Variants in LMF1 observed in about 807,000 individuals in gnomAD.
LMF1 encodes lipase maturation factor 1.
A neutral mutation model predicts 60.6 loss-of-function variants in LMF1; 68 were observed. The observed-to-expected ratio is 1.12, with a 90% confidence interval of 0.92 to 1.37. LMF1 has a LOEUF of 1.37. Among genes scored for constraint, LMF1 ranks in the 40% most tolerant of loss-of-function variants. The probability of loss-of-function intolerance (pLI) is 0.00; values close to 1 mark genes in which losing one functional copy is unlikely to be tolerated. For missense variants in LMF1, 948 were observed against 767.2 expected, an observed-to-expected ratio of 1.24 and a Z score of -2.78; for synonymous variants, 418 against 324.7, an observed-to-expected ratio of 1.29 and a Z score of -3.09.
rs1424439033 is a variant in LMF1, at chr16:897,569, C to G, written c.664-4497G>C. Among the ~76,000 whole-genome samples the G allele has an allele frequency of 6.6e-6, 1 of 152,246 alleles. No homozygotes were observed. The highest frequency in any genetic ancestry group is 2.4e-5 in the African/African-American group (1 of 41,466). Reference sequence around the variant, plus strand: ...GAGACTCAAAGGGGAGAGCTTTGTCCTGGAGTCAGGTCACAGCCCAGTGCC... The same window carrying G: ...GAGACTCAAAGGGGAGAGCTTTGTCGTGGAGTCAGGTCACAGCCCAGTGCC... On this transcript the variant is annotated intron_variant, in intron 4 of 10. Transcript: ENST00000262301. This position sits in a 1 kb window ranked among gnomAD's most constrained non-coding sequence, Gnocchi z 4.3.
At chr16:879,843 C>T in intron 5 of LMF1, 106 bp from the exon 6 acceptor site, 1 of 1,160,950 alleles carries the variant, frequency 8.6e-7, no homozygotes, top group Non-Finnish European at 1.2e-6. Flanking sequence ...CTACTGCACA[C>T]AGGATCCCCC....
chr16:954,716 T>C, intron 1 of LMF1, 50 bp from the exon 2 acceptor site: 1 of 1,509,796 alleles, frequency 6.6e-7, no homozygotes, highest in Non-Finnish European at 8.9e-7. Flanking sequence ...AAACCACATG[T>C]GGACACCATG....
chr16:977,909 A>G (rs1287355834), intron 1 of LMF1, among the ~76,000 whole-genome samples: 1 of 144,904 alleles, frequency 6.9e-6, no homozygotes, highest in Non-Finnish European at 1.5e-5. Flanking sequence ...CTAAACACAC[A>G]CACCACACAC....
Position 881,227 on chromosome 16 carries a change from G to A in LMF1, c.730-1490C>T, listed in dbSNP as rs2070154484. ...GGGGGTGACCGGGCACAGGGCCCCA[G>A]TGCACCCCAAGAGCCGTGGGCTGGG... On this transcript the variant is annotated intron_variant, in intron 5 of 10. Coordinates refer to ENST00000262301, the MANE Select transcript of LMF1 (RefSeq NM_022773.4). Among the ~76,000 whole-genome samples the A allele has an allele frequency of 2.0e-5, 3 of 152,248 alleles. 1 individual carries two copies.
rs378243 is a variant in LMF1, at chr16:949,343, C to T, written c.503+5014G>A. 1.7e-4 allele frequency among the ~76,000 whole-genome samples: 25 copies of T among 143,970 alleles called. 1 individual carries two copies. The highest frequency in any genetic ancestry group is 1.3e-3 in the Admixed American group (18 of 14,150). 94.4% of individuals were successfully genotyped at this position (143,970 alleles called of 152,430 possible). ...GTCAGCCAACGACAGAGTCAGCCAA[C>T]GACAGAGTCAGAGACAATGACAGAG... On this transcript the variant is annotated intron_variant, in intron 2 of 10. Coordinates refer to ENST00000262301, the MANE Select transcript of LMF1 (RefSeq NM_022773.4).
intron 1 of LMF1, among the ~76,000 whole-genome samples, chr16:965,543 G>A (rs2072906693): frequency 6.6e-6 from 1 of 152,226 alleles, no homozygotes; most frequent in South Asian, 2.1e-4. Context: ...GAGAAGAAGA[G>A]TCAGATGCTT....
At position 897,678 on chromosome 16, in the gene LMF1, A is replaced by G. The variant is rs1309779456; in HGVS notation, c.664-4606T>C. On this transcript the variant is annotated intron_variant, in intron 4 of 10. Coordinates refer to ENST00000262301, the MANE Select transcript of LMF1 (RefSeq NM_022773.4). This position sits in a 1 kb window ranked among gnomAD's most constrained non-coding sequence, Gnocchi z 4.3. ...TGCTCTGAGAGCTGGGGGTGGGTGG[A>G]AACCGTGTCTCAGGGTGAAGGGACC... Among the ~76,000 whole-genome samples, 2 of 152,092 alleles carry G rather than the reference A, an allele frequency of 1.3e-5. No homozygotes were observed. Among genetic ancestry groups the G allele is most frequent in the African/African-American group, 4.8e-5 (2 of 41,436 alleles).
intron 3 of LMF1, among the ~76,000 whole-genome samples, chr16:932,162 C>G (rs1180005381): frequency 6.6e-6 from 1 of 152,242 alleles, no homozygotes; most frequent in African/African-American, 2.4e-5. Flanking sequence ...GAGTCCACTG[C>G]CCCAGGCACT....
chr16:968,152 G>T (rs2072964627), intron 1 of LMF1, among the ~76,000 whole-genome samples: 1 of 152,222 alleles, frequency 6.6e-6, no homozygotes, highest in Admixed American at 6.5e-5. Flanking sequence ...GGCCCGCGGT[G>T]GGAAGGAGCC....
intron 4 of LMF1, among the ~76,000 whole-genome samples, 160 bp downstream of exon 4, chr16:910,771 C>T: frequency 6.6e-6 from 1 of 152,138 alleles, no homozygotes; most frequent in Non-Finnish European, 1.5e-5. Context: ...AAACACAGGC[C>T]CCTGAAGGGG....
chr16:904,327 C>T (rs1171978065), intron 4 of LMF1, among the ~76,000 whole-genome samples: 1 of 118,274 alleles, frequency 8.5e-6, no homozygotes, highest in African/African-American at 3.3e-5. Context: ...CCTGTCTCTG[C>T]TGCGTGGTGG....
At chr16:909,065 G>A (rs777386762) in intron 4 of LMF1, among the ~76,000 whole-genome samples, 5 of 152,262 alleles carry the variant, frequency 3.3e-5, no homozygotes, top group African/African-American at 4.8e-5. Context: ...TCCCAACCCC[G>A]GCAAGTGCTC....
chr16:929,067 G>A (rs2071694478), intron 3 of LMF1, among the ~76,000 whole-genome samples: 1 of 152,084 alleles, frequency 6.6e-6, no homozygotes, highest in Non-Finnish European at 1.5e-5. Context: ...CCCTCACCAC[G>A]AGTGTCTCCT....
chr16:881,356 C>G (rs796589939), intron 5 of LMF1: 1 of 152,252 alleles, frequency 6.6e-6, no homozygotes. Context: ...GGCTGTGAGC[C>G]GTGAGGTGGG....
intron 3 of LMF1, among the ~76,000 whole-genome samples, chr16:932,596 A>T (rs72759470): frequency 0.016 from 2,434 of 152,140 alleles, 36 homozygotes; most frequent in African/African-American, 0.041. Context: ...AATTAAAAAA[A>T]TTTTTTTTGT....
chr16:870,807 T>G lies in LMF1; in HGVS notation c.1154A>C (p.Asn385Thr). ...LAWLSVPVVL[N>T]LLSSRQVMNT... ...CATGACCTGCCTGGAGCTCAGCAAG[T>G]TGAGGACCACGGGCACGCTGAGCCA... The change falls in exon 8 of 11, where the codon AAC becomes ACC. Residue 385 changes from asparagine to threonine, a missense_variant. Transcript: ENST00000262301. 6.2e-7 allele frequency: 1 copy of G among 1,612,766 alleles called. No homozygotes were observed. Among genetic ancestry groups the G allele is most frequent in the African/African-American group, 1.3e-5 (1 of 75,030 alleles).
At chr16:947,146 G>T (rs540728320) in intron 2 of LMF1, among the ~76,000 whole-genome samples, 135 of 152,368 alleles carry the variant, frequency 8.9e-4, no homozygotes, top group African/African-American at 3.0e-3. Flanking sequence ...GAGACGCCCA[G>T]GGTGGGCTCT....
chr16:912,170 A>G lies in LMF1; in HGVS notation c.515-1091T>C, dbSNP rs113035509. The stretch of plus-strand genomic sequence containing the variant: ...ACGATCACATGACTCACACCACCAC[A>G]GTGTCTATGCGCCACAGAGCGGATG... On this transcript the variant is annotated intron_variant, in intron 3 of 10. Coordinates refer to ENST00000262301, the MANE Select transcript of LMF1 (RefSeq NM_022773.4). Among the ~76,000 whole-genome samples the G allele has an allele frequency of 6.5e-4, 99 of 152,288 alleles. 1 individual carries two copies. Among genetic ancestry groups the G allele is most frequent in the African/African-American group, 2.1e-3 (89 of 41,578 alleles).
chr16:957,292 G>C (rs937247928), intron 1 of LMF1, among the ~76,000 whole-genome samples: 5 of 152,208 alleles, frequency 3.3e-5, no homozygotes, highest in African/African-American at 1.2e-4. Context: ...GTCCATGTCT[G>C]TGTAACTGTG....
Sources: gnomAD v4.1 joint callset for allele counts (sites outside exome capture counted in the v4.1 genomes callset) on GRCh38, gnomAD v4.1.1 for gene constraint, Gnocchi (gnomAD v3.1) non-coding constraint, MANE v1.5 for transcripts, NCBI Gene and HGNC (gene_info 2026-07-23, HGNC 2026-07-21) for gene names.